The following FBXL17 variants were observed in gnomAD, a reference collection of about 807,000 sequenced individuals.
The protein encoded by FBXL17 is F-box/LRR-repeat protein 17.
In FBXL17, 22 loss-of-function variants were observed where a neutral mutation model predicts 66.2. The ratio of observed to expected loss-of-function variants is 0.33; its 90% CI spans 0.24 to 0.47. The LOEUF is 0.47. Ranked by LOEUF, FBXL17 falls within the 20% of genes least tolerant of loss-of-function variation. The pLI, the probability that FBXL17 is intolerant of heterozygous loss-of-function variation, is 1.00. For synonymous variants in FBXL17, 474 were observed against 400.5 expected, an observed-to-expected ratio of 1.18 and a Z score of -2.19; for missense variants, 878 against 948.2, an observed-to-expected ratio of 0.93 and a Z score of 0.97.
chr5:108,128,993 C>T (rs1047058562), intron 6 of FBXL17, among the ~76,000 whole-genome samples: 1 of 152,060 alleles, frequency 6.6e-6, no homozygotes, highest in African/African-American at 2.4e-5. Context: ...TTTTGGTTGA[C>T]ATGATTTTTA....
chr5:108,013,598 T>C (rs1228736245), intron 7 of FBXL17, among the ~76,000 whole-genome samples: 1 of 152,188 alleles, frequency 6.6e-6, no homozygotes, highest in Non-Finnish European at 1.5e-5. Context: ...AAATTTTACA[T>C]GGTTTCCGTC....
chr5:108,019,805 G>GT (rs1300687100), intron 7 of FBXL17, among the ~76,000 whole-genome samples: 1 of 151,444 alleles, frequency 6.6e-6, no homozygotes, highest in Non-Finnish European at 1.5e-5. Flanking sequence ...AACAAACAAC[G>GT]TAAGTAAAGA....
intron 4 of FBXL17, among the ~76,000 whole-genome samples, chr5:108,334,844 C>G (rs1282421017): frequency 6.6e-6 from 1 of 152,146 alleles, no homozygotes; most frequent in Non-Finnish European, 1.5e-5. Context: ...TGTCAAAGAG[C>G]ACGTTAATAG....
intron 4 of FBXL17, among the ~76,000 whole-genome samples, chr5:108,294,211 A>G (rs1758247058): frequency 6.7e-6 from 1 of 148,468 alleles, no homozygotes; most frequent in South Asian, 2.1e-4. Flanking sequence ...TTGAAAAGAT[A>G]CACTATATAT....
At chr5:108,174,098 C>T (rs1262280347) in intron 6 of FBXL17, among the ~76,000 whole-genome samples, 1 of 152,150 alleles carries the variant, frequency 6.6e-6, no homozygotes, top group African/African-American at 2.4e-5. Flanking sequence ...TTTCTCACCA[C>T]ATTCAGCAAG....
chr5:108,033,246 T>A (rs1746710404), intron 6 of FBXL17, among the ~76,000 whole-genome samples: 1 of 152,196 alleles, frequency 6.6e-6, no homozygotes, highest in Non-Finnish European at 1.5e-5. Context: ...CAGTTTATCT[T>A]ATTTTTTATG....
chr5:108,267,373 C>T (rs1319544375), intron 4 of FBXL17, among the ~76,000 whole-genome samples: 2 of 151,986 alleles, frequency 1.3e-5, no homozygotes, highest in African/African-American at 4.8e-5. Flanking sequence ...CCACAAAATA[C>T]TCAACTTCTA....
At chr5:107,871,057 C>CAAAAAAAAAAAAAAAA (rs201752049) in intron 8 of FBXL17, among the ~76,000 whole-genome samples, 888 of 65,742 alleles carry the variant, frequency 0.014, 90 homozygotes, top group East Asian at 0.024. Flanking sequence ...TCTTGGGCGG[C>CAAAAAAAAAAAAAAAA]AAAAAAAAAA....
At chr5:108,141,457 G>C (rs575679236) in intron 6 of FBXL17, among the ~76,000 whole-genome samples, 1 of 152,252 alleles carries the variant, frequency 6.6e-6, no homozygotes, top group South Asian at 2.1e-4. Flanking sequence ...GCAGAGGCCA[G>C]GTTTTCTTTG....
chr5:108,154,617 ACACACACAC>A (rs1751908552), intron 6 of FBXL17, among the ~76,000 whole-genome samples: 1 of 49,710 alleles, frequency 2.0e-5, no homozygotes, highest in African/African-American at 7.5e-5. Context: ...ATATATATAT[ACACACACAC>A]ACACACACAC....
intron 4 of FBXL17, among the ~76,000 whole-genome samples, chr5:108,326,300 G>A (rs1346146580): frequency 6.6e-6 from 1 of 151,794 alleles, no homozygotes; most frequent in Non-Finnish European, 1.5e-5. Flanking sequence ...AAAAAAATAG[G>A]CAGAAGATTT....
intron 5 of FBXL17, among the ~76,000 whole-genome samples, chr5:108,221,911 A>G (rs979082916): frequency 6.6e-6 from 1 of 152,148 alleles, no homozygotes; most frequent in African/African-American, 2.4e-5. Flanking sequence ...GAATCCAGAA[A>G]ACTAAGCAAC....
At chr5:107,870,128 G>C (rs1748397216) in intron 8 of FBXL17, among the ~76,000 whole-genome samples, 1 of 152,120 alleles carries the variant, frequency 6.6e-6, no homozygotes, top group Non-Finnish European at 1.5e-5. Flanking sequence ...GCTACCAGGA[G>C]AGTCCAAAAC....
intron 6 of FBXL17, among the ~76,000 whole-genome samples, chr5:108,122,480 C>A (rs1254388118): frequency 2.6e-5 from 4 of 152,024 alleles, no homozygotes; most frequent in Admixed American, 2.0e-4. Context: ...TTTAATAAAT[C>A]CATTTATGAA....
At chr5:108,011,138 T>C (rs1318092550) in intron 7 of FBXL17, among the ~76,000 whole-genome samples, 1 of 152,218 alleles carries the variant, frequency 6.6e-6, no homozygotes, top group Non-Finnish European at 1.5e-5. Context: ...AATAGGAAAG[T>C]TGGGACATGT....
chr5:108,028,330 CA>C (rs1295957110), intron 6 of FBXL17, among the ~76,000 whole-genome samples: 1 of 152,086 alleles, frequency 6.6e-6, no homozygotes, highest in African/African-American at 2.4e-5. Context: ...AAATATTAAA[CA>C]TATAATTGAT....
At chr5:108,050,756 T>A (rs1375290845) in intron 6 of FBXL17, among the ~76,000 whole-genome samples, 1 of 151,854 alleles carries the variant, frequency 6.6e-6, no homozygotes, top group Non-Finnish European at 1.5e-5. Context: ...AAAAAATGAA[T>A]GAATCCAGGA....
At chr5:107,861,957 CGA>C in intron 8 of FBXL17, 97 bp from the exon 9 acceptor site, 1 of 1,292,634 alleles carries the variant, frequency 7.7e-7, no homozygotes, top group Non-Finnish European at 1.0e-6. Context: ...CACTGTGACA[CGA>C]AGAGCCCTCG....
chr5:108,220,383 C>A (rs2150071858), intron 5 of FBXL17, among the ~76,000 whole-genome samples: 1 of 152,276 alleles, frequency 6.6e-6, no homozygotes, highest in African/African-American at 2.4e-5. Context: ...TCTTTCAATG[C>A]ACTAAACTGA....
Sources: gnomAD v4.1 joint callset for allele counts (sites outside exome capture counted in the v4.1 genomes callset) on GRCh38, gnomAD v4.1.1 for gene constraint, MANE v1.5 for transcripts, NCBI Gene and HGNC (gene_info 2026-07-23, HGNC 2026-07-21) for gene names.